Variants in KCNH8 observed in about 807,000 individuals in gnomAD.
KCNH8 encodes the protein voltage-gated delayed rectifier potassium channel KCNH8.
A neutral mutation model predicts 103.6 loss-of-function variants in KCNH8; 70 were observed. The ratio of observed to expected loss-of-function variants is 0.68; its 90% confidence interval spans 0.56 to 0.82. The LOEUF is 0.82. Ranked by LOEUF, KCNH8 falls within the 40% of genes least tolerant of loss-of-function variation. KCNH8 has a pLI of 0.00. For synonymous variants in KCNH8, 498 were observed against 489.4 expected, an observed-to-expected ratio of 1.02 and a Z score of -0.23; for missense variants, 1,217 against 1,329.9, an observed-to-expected ratio of 0.92 and a Z score of 1.32.
At chr3:19,529,056 A>G (rs1233368272) in intron 15 of KCNH8, among the ~76,000 whole-genome samples, 1 of 152,148 alleles carries the variant, frequency 6.6e-6, no homozygotes, top group African/African-American at 2.4e-5. Flanking sequence ...CAGAAGGAAT[A>G]GCATGCACCA....
At chr3:19,179,136 A>G (rs998248186) in intron 1 of KCNH8, among the ~76,000 whole-genome samples, 1 of 151,984 alleles carries the variant, frequency 6.6e-6, no homozygotes, top group Non-Finnish European at 1.5e-5. Flanking sequence ...TTTGTAGAGA[A>G]TTTACTCCTG....
intron 1 of KCNH8, among the ~76,000 whole-genome samples, chr3:19,160,204 G>A (rs545835031): frequency 1.3e-4 from 20 of 152,170 alleles, no homozygotes; most frequent in South Asian, 1.0e-3. Context: ...ACCAGTAACC[G>A]ATTTAAGAAG....
At chr3:19,228,355 C>A (rs1016581006) in intron 1 of KCNH8, among the ~76,000 whole-genome samples, 1 of 152,276 alleles carries the variant, frequency 6.6e-6, no homozygotes, top group Admixed American at 6.5e-5. Context: ...ATTTGCTAAT[C>A]CCTACTCTAA....
At chr3:19,408,817 G>A (rs1303989704) in intron 7 of KCNH8, among the ~76,000 whole-genome samples, 5 of 151,530 alleles carry the variant, frequency 3.3e-5, no homozygotes, top group African/African-American at 1.2e-4. Context: ...CAAAAATGAA[G>A]AAAAAAAGAA....
chr3:19,417,386 A>G (rs1028803029), intron 7 of KCNH8, among the ~76,000 whole-genome samples: 1 of 151,732 alleles, frequency 6.6e-6, no homozygotes, highest in African/African-American at 2.4e-5. Flanking sequence ...TGTTTGAAAT[A>G]TAATAATGGT....
chr3:19,258,945 C>CTATATATATATATATA (rs1165506732), intron 2 of KCNH8, among the ~76,000 whole-genome samples: 7 of 42,252 alleles, frequency 1.7e-4, no homozygotes, highest in Non-Finnish European at 2.7e-4. Context: ...CTCTCTCTCT[C>CTATATATATATATATA]TCTATATATA....
intron 1 of KCNH8, among the ~76,000 whole-genome samples, chr3:19,181,674 C>CAAA (rs2063454600): frequency 6.6e-6 from 1 of 152,028 alleles, no homozygotes; most frequent in Non-Finnish European, 1.5e-5. Context: ...AAGCAAATAG[C>CAAA]AAACAAACAA....
At chr3:19,307,118 G>A (rs895362542) in intron 3 of KCNH8, among the ~76,000 whole-genome samples, 5 of 151,862 alleles carry the variant, frequency 3.3e-5, no homozygotes, top group African/African-American at 1.2e-4. Flanking sequence ...TACTCACTGA[G>A]GAGTTCCTTC....
intron 7 of KCNH8, among the ~76,000 whole-genome samples, chr3:19,397,916 T>G (rs1575015531): frequency 6.6e-6 from 1 of 151,936 alleles, no homozygotes; most frequent in Non-Finnish European, 1.5e-5. Flanking sequence ...CCTACCTAAC[T>G]TTATAATGAA....
chr3:19,382,690 TGAC>T (rs1400543852), intron 5 of KCNH8, among the ~76,000 whole-genome samples: 1 of 152,088 alleles, frequency 6.6e-6, no homozygotes, highest in Non-Finnish European at 1.5e-5. Flanking sequence ...ATAATAATAA[TGAC>T]AACACCTACC....
At chr3:19,221,207 C>T (rs545643520) in intron 1 of KCNH8, among the ~76,000 whole-genome samples, 2 of 152,276 alleles carry the variant, frequency 1.3e-5, no homozygotes, top group South Asian at 4.1e-4. Flanking sequence ...TGTTGCTAGT[C>T]ATCCTGGTGT....
At chr3:19,530,947 T>G (rs970725113) in intron 15 of KCNH8, among the ~76,000 whole-genome samples, 5 of 152,242 alleles carry the variant, frequency 3.3e-5, no homozygotes, top group Admixed American at 6.5e-5. Flanking sequence ...AGTACATCCC[T>G]GCCTTTCTCA....
chr3:19,443,411 C>CAT (rs770213837), intron 8 of KCNH8, among the ~76,000 whole-genome samples: 3 of 149,804 alleles, frequency 2.0e-5, no homozygotes, highest in African/African-American at 7.3e-5. Context: ...CACACACACA[C>CAT]ATATATATAC....
chr3:19,253,513 G>A, intron 1 of KCNH8, 141 bp from the exon 2 acceptor site: 1 of 670,144 alleles, frequency 1.5e-6, no homozygotes, highest in South Asian at 1.8e-5. Flanking sequence ...ATGTTTTGGA[G>A]TGTCTCTTTT....
chr3:19,477,199 G>T (rs1428271009), intron 11 of KCNH8, among the ~76,000 whole-genome samples: 2 of 151,968 alleles, frequency 1.3e-5, no homozygotes, highest in Non-Finnish European at 2.9e-5. Context: ...TGAGCAAGTG[G>T]GACGGACCCA....
At chr3:19,358,748 T>C (rs189509622) in intron 5 of KCNH8, among the ~76,000 whole-genome samples, 11 of 152,040 alleles carry the variant, frequency 7.2e-5, no homozygotes, top group African/African-American at 2.6e-4. Flanking sequence ...GGTAGGTGGC[T>C]AAAAAGCAGT....
At chr3:19,342,770 T>G (rs1458718715) in intron 4 of KCNH8, 56 bp downstream of exon 4, 6 of 1,516,904 alleles carry the variant, frequency 4.0e-6, no homozygotes, top group Non-Finnish European at 4.5e-6. Context: ...TGGCAATGTT[T>G]GACTCGCTAA....
chr3:19,386,507 A>G (rs887466413), intron 5 of KCNH8, among the ~76,000 whole-genome samples: 4 of 152,138 alleles, frequency 2.6e-5, no homozygotes, highest in Non-Finnish European at 5.9e-5. Context: ...ATATAAGCAC[A>G]TGGAGACATT....
chr3:19,404,453 C>T (rs1246450081), intron 7 of KCNH8, among the ~76,000 whole-genome samples: 3 of 151,914 alleles, frequency 2.0e-5, no homozygotes, highest in Non-Finnish European at 4.4e-5. Context: ...AGTTTGCTGA[C>T]CATTCATTGG....
Sources: gnomAD v4.1 joint callset for allele counts (sites outside exome capture counted in the v4.1 genomes callset) on GRCh38, gnomAD v4.1.1 for gene constraint, MANE v1.5 for transcripts, NCBI Gene and HGNC (gene_info 2026-07-23, HGNC 2026-07-21) for gene names.